RYR2: variants seen among roughly 807,000 people sequenced by gnomAD.
RYR2 encodes ryanodine receptor 2.
RYR2 carries 227 observed loss-of-function variants against 601.1 expected under a neutral mutation model. That is an observed-to-expected ratio of 0.38 (90% CI 0.34 to 0.42). The LOEUF is 0.42. Among genes scored for constraint, RYR2 ranks in the 10% least tolerant of loss-of-function variants. The probability of loss-of-function intolerance (pLI) is 1.00; values close to 1 mark genes in which losing one functional copy is unlikely to be tolerated. For missense variants in RYR2, 4,646 were observed against 6,156.5 expected, an observed-to-expected ratio of 0.75 and a Z score of 8.21; for synonymous variants, 2,223 against 2,175.1, an observed-to-expected ratio of 1.02 and a Z score of -0.61.
chr1:237,100,348 C>T (rs1667945092), intron 1 of RYR2, among the ~76,000 whole-genome samples: 1 of 151,844 alleles, frequency 6.6e-6, no homozygotes, highest in Admixed American at 6.6e-5. Flanking sequence ...ATTCTCTCTT[C>T]TCTCTTCTTC....
intron 2 of RYR2, among the ~76,000 whole-genome samples, chr1:237,312,238 C>G (rs1694648957): frequency 6.6e-6 from 1 of 152,128 alleles, no homozygotes. Flanking sequence ...AATAAAATAA[C>G]AATCCCCAGG....
intron 1 of RYR2, among the ~76,000 whole-genome samples, chr1:237,059,160 C>A (rs1313767083): frequency 6.6e-6 from 1 of 152,028 alleles, no homozygotes; most frequent in African/African-American, 2.4e-5. Flanking sequence ...TCCGCATTTC[C>A]CTCTAAATGG....
At chr1:237,806,337 A>C in intron 99 of RYR2, 54 bp downstream of exon 99, 2 of 1,531,564 alleles carry the variant, frequency 1.3e-6, no homozygotes, top group Non-Finnish European at 1.8e-6. Context: ...CAACAAATAA[A>C]ACAAAGAAAA....
chr1:237,827,826 G>A (rs1574114032), intron 101 of RYR2, among the ~76,000 whole-genome samples: 5 of 150,162 alleles, frequency 3.3e-5, no homozygotes. Context: ...AGTCCCAGCT[G>A]CTGGGGAGGC....
intron 35 of RYR2, among the ~76,000 whole-genome samples, chr1:237,607,396 G>A (rs1312679630): frequency 2.0e-5 from 3 of 147,578 alleles, no homozygotes; most frequent in Non-Finnish European, 4.5e-5. Flanking sequence ...GACACAGGAA[G>A]AGGAACATCA....
intron 12 of RYR2, among the ~76,000 whole-genome samples, chr1:237,432,292 A>G (rs1706900946): frequency 6.6e-6 from 1 of 152,070 alleles, no homozygotes; most frequent in African/African-American, 2.4e-5. Flanking sequence ...ATATATATGC[A>G]TCTCCTAATA....
intron 1 of RYR2, among the ~76,000 whole-genome samples, chr1:237,104,342 C>T (rs961525419): frequency 2.0e-5 from 3 of 152,134 alleles, no homozygotes; most frequent in Admixed American, 6.5e-5. Context: ...TTGTTCAGCA[C>T]CTCCTCCTGC....
At chr1:237,137,558 A>G (rs1399943074) in intron 1 of RYR2, among the ~76,000 whole-genome samples, 1 of 152,240 alleles carries the variant, frequency 6.6e-6, no homozygotes, top group African/African-American at 2.4e-5. Flanking sequence ...GTAAATTGGT[A>G]GCAAATGATG....
At chr1:237,647,418 G>A (rs1313780557) in intron 48 of RYR2, among the ~76,000 whole-genome samples, 1 of 152,208 alleles carries the variant, frequency 6.6e-6, no homozygotes, top group African/African-American at 2.4e-5. Flanking sequence ...TTCTTATAAT[G>A]TAAGGAAAGG....
chr1:237,372,831 A>G (rs1297818477), intron 6 of RYR2, among the ~76,000 whole-genome samples: 2 of 152,198 alleles, frequency 1.3e-5, no homozygotes, highest in African/African-American at 2.4e-5. Context: ...ATTTTTATAC[A>G]TTCATTAAAT....
chr1:237,546,912 G>A (rs1438278107), intron 25 of RYR2, among the ~76,000 whole-genome samples: 1 of 148,972 alleles, frequency 6.7e-6, no homozygotes, highest in African/African-American at 2.4e-5. Context: ...GCCTTGTAAT[G>A]ATGCCAGTCA....
chr1:237,631,084 A>G lies in RYR2; in HGVS notation c.6441-343A>G, dbSNP rs149975957. Among the ~76,000 whole-genome samples, 66 of 152,352 alleles carry G rather than the reference A, an allele frequency of 4.3e-4. No individual in the cohort carries two copies. In the East Asian group the frequency reaches 0.012, roughly 28 times the overall value. On this transcript the variant is annotated intron_variant, in intron 41 of 104. Coordinates refer to ENST00000366574, the MANE Select transcript of RYR2 (RefSeq NM_001035.3). ...TGAAGAATTTTTATATAAACATGGT[A>G]TAACACTAATTCATATTTTTATCCA...
intron 77 of RYR2, among the ~76,000 whole-genome samples, chr1:237,731,291 TG>T (rs1690655765): frequency 1.3e-5 from 2 of 152,108 alleles, no homozygotes; most frequent in South Asian, 4.1e-4. Context: ...AAAAGTTGGA[TG>T]TAATTGAATT....
chr1:237,821,649 G>A (rs993409957), intron 101 of RYR2, among the ~76,000 whole-genome samples: 3 of 151,902 alleles, frequency 2.0e-5, no homozygotes, highest in African/African-American at 7.3e-5. Flanking sequence ...CGCCAGCAAG[G>A]GAACAAAACT....
At chr1:237,150,259 G>A (rs1198390336) in intron 1 of RYR2, among the ~76,000 whole-genome samples, 1 of 152,144 alleles carries the variant, frequency 6.6e-6, no homozygotes, top group Non-Finnish European at 1.5e-5. Context: ...ACTGCTCTAG[G>A]GCTCTGCTTC....
intron 62 of RYR2, among the ~76,000 whole-genome samples, chr1:237,684,263 A>C (rs977497635): frequency 8.6e-5 from 13 of 151,988 alleles, no homozygotes; most frequent in African/African-American, 3.1e-4. Flanking sequence ...AATGCCACCT[A>C]TGTACGGCAA....
chr1:237,138,282 C>G (rs1673014955), intron 1 of RYR2, among the ~76,000 whole-genome samples: 1 of 152,174 alleles, frequency 6.6e-6, no homozygotes, highest in Non-Finnish European at 1.5e-5. Context: ...ATCCACCCAC[C>G]TTGGCCTCCC....
At chr1:237,088,329 G>A (rs1666584776) in intron 1 of RYR2, among the ~76,000 whole-genome samples, 1 of 152,164 alleles carries the variant, frequency 6.6e-6, no homozygotes, top group South Asian at 2.1e-4. Context: ...AATCTCAGGA[G>A]AGATAAAGAG....
In RYR2 at chr1:237,342,714, G is replaced by A. The variant is rs561940810; in HGVS notation, c.273+11732G>A. 2.6e-4 allele frequency among the ~76,000 whole-genome samples: 39 copies of A among 152,254 alleles called. No individual in the cohort carries two copies. In the South Asian group the frequency reaches 7.2e-3, roughly 28 times the overall value. ...GTGAAGCATTAAGTCTTAAGACCAC[G>A]TGGAACTGTAGAAGGGTCCTTTGCT... is the stretch of plus-strand genomic sequence containing the variant. On this transcript the variant is annotated intron_variant, in intron 3 of 104. Transcript: ENST00000366574.
Sources: allele counts gnomAD v4.1 joint callset (sites outside exome capture counted in the v4.1 genomes callset), GRCh38; gene constraint gnomAD v4.1.1; transcripts MANE v1.5; gene names NCBI Gene and HGNC (gene_info 2026-07-23, HGNC 2026-07-21).